Variants in ESR2 observed in about 807,000 individuals in gnomAD.
ESR2 encodes estrogen receptor 2, also known as estrogen receptor beta.
In ESR2, 36 loss-of-function variants were observed where a neutral mutation model predicts 49.6. The ratio of observed to expected loss-of-function variants is 0.73; its 90% CI spans 0.56 to 0.96. The LOEUF is 0.96. ESR2 is among the 40% of genes least tolerant of loss of function. The probability of loss-of-function intolerance (pLI) is 0.00; values close to 1 mark genes in which losing one functional copy is unlikely to be tolerated. For missense variants in ESR2, 714 were observed against 693.0 expected, an observed-to-expected ratio of 1.03 and a Z score of -0.34; for synonymous variants, 320 against 266.1, an observed-to-expected ratio of 1.20 and a Z score of -1.97.
intron 1 of ESR2, among the ~76,000 whole-genome samples, chr14:64,309,578 C>G (rs1040906496): frequency 1.7e-4 from 22 of 132,630 alleles, no homozygotes; most frequent in Admixed American, 3.2e-4. Flanking sequence ...GCCACTACAA[C>G]CCTGGGCAAC....
intron 7 of ESR2, among the ~76,000 whole-genome samples, chr14:64,241,429 T>C (rs530586583): frequency 2.0e-5 from 3 of 152,366 alleles, no homozygotes; most frequent in Admixed American, 2.0e-4. Flanking sequence ...TTGTTTTGAC[T>C]ATTCTATGTC....
At chr14:64,299,431 C>T (rs185741198) in intron 1 of ESR2, among the ~76,000 whole-genome samples, 3 of 142,990 alleles carry the variant, frequency 2.1e-5, no homozygotes, top group East Asian at 2.0e-4. Context: ...GACGGAGTCT[C>T]GCTCTGTCGC....
At chr14:64,298,365 G>A (rs879557392), upstream of ESR2, 17 of 152,196 alleles carry the variant, frequency 1.1e-4, no homozygotes, top group African/African-American at 1.7e-4. Flanking sequence ...TTGGTAGGGT[G>A]AAAGTTTCCA....
At chr14:64,274,063 C>A (rs1264414807) in intron 3 of ESR2, among the ~76,000 whole-genome samples, 1 of 151,944 alleles carries the variant, frequency 6.6e-6, no homozygotes, top group Non-Finnish European at 1.5e-5. Flanking sequence ...CCTCAGCCTC[C>A]TGAAGAGCTG....
intron 7 of ESR2, among the ~76,000 whole-genome samples, chr14:64,236,739 G>T (rs886872120): frequency 3.0e-4 from 46 of 151,796 alleles, no homozygotes; most frequent in African/African-American, 9.7e-4. Context: ...TTCCAACCTG[G>T]TCAGAAATTC....
At position 64,257,382 on chromosome 14, in the gene ESR2, C is replaced by A. The variant is rs200042926; in HGVS notation, c.953-18G>T. The A allele has an allele frequency of 6.2e-7, 1 of 1,611,986 alleles. No homozygotes were observed. Among genetic ancestry groups the A allele is most frequent in the Admixed American group, 1.7e-5 (1 of 59,994 alleles). On this transcript the variant is annotated intron_variant, in intron 5 of 8. Transcript: ENST00000341099. The stretch of plus-strand genomic sequence containing the variant: ...CACAAAGCCTGGGGAAAGCAAGAGG[C>A]GGTGAGACACCCCCACCCCTCCTCC...
chr14:64,323,512 ACGT>A (rs2077350281), intron 1 of ESR2, among the ~76,000 whole-genome samples: 1 of 129,338 alleles, frequency 7.7e-6, no homozygotes. Context: ...GGCCAAGCAC[ACGT>A]TATTTTGTAC....
At chr14:64,307,219 T>G (rs1044133035) in intron 1 of ESR2, among the ~76,000 whole-genome samples, 1 of 151,842 alleles carries the variant, frequency 6.6e-6, no homozygotes, top group African/African-American at 2.4e-5. Flanking sequence ...ATTTATTTAT[T>G]TATTTATTTT....
chr14:64,280,437 T>C (rs1039138516), intron 2 of ESR2, among the ~76,000 whole-genome samples: 4 of 152,174 alleles, frequency 2.6e-5, no homozygotes, highest in Admixed American at 1.3e-4. Context: ...AGACCAGTCA[T>C]AGCCATGGGG....
In ESR2 at chr14:64,242,448, A is replaced by C. The variant is rs561839366; in HGVS notation, c.1225+7098T>G. Among the ~76,000 whole-genome samples, 361 of 139,506 alleles carry C rather than the reference A, an allele frequency of 2.6e-3. 5 individuals carry two copies. The highest frequency in any genetic ancestry group is 9.2e-3 in the South Asian group (42 of 4,542). The allele number at this position is 139,506 out of a possible 152,430, so 91.5% of individuals were successfully genotyped here. A position where few individuals can be genotyped will look rare whatever the true frequency, so the allele number is the denominator to read the frequency against. On this transcript the variant is annotated intron_variant, in intron 7 of 8. Transcript: ENST00000341099. Reference sequence around the variant, plus strand: ...AAAACAAAACAAACAAACAAACAAAAAAAATATATATATATATATAAAATC... The same window carrying C: ...AAAACAAAACAAACAAACAAACAAACAAAATATATATATATATATAAAATC...
At chr14:64,284,318 C>G (rs1465517669) in intron 1 of ESR2, among the ~76,000 whole-genome samples, 1 of 151,804 alleles carries the variant, frequency 6.6e-6, no homozygotes, top group Non-Finnish European at 1.5e-5. Context: ...GGGGTGCTGG[C>G]TGATTACAGG....
At chr14:64,270,440 T>C (rs1207509987) in intron 3 of ESR2, among the ~76,000 whole-genome samples, 1 of 152,176 alleles carries the variant, frequency 6.6e-6, no homozygotes, top group African/African-American at 2.4e-5. Context: ...TACACAGGGA[T>C]TTGCTCTATA....
intron 1 of ESR2, among the ~76,000 whole-genome samples, chr14:64,293,535 C>T (rs1286868283): frequency 1.3e-5 from 2 of 152,208 alleles, no homozygotes; most frequent in African/African-American, 4.8e-5. Flanking sequence ...AGTTGTTGGA[C>T]TCCTCTTCAG....
intron 8 of ESR2, chr14:64,234,565 C>T: frequency 4.0e-6 from 1 of 250,138 alleles, no homozygotes; most frequent in Admixed American, 5.3e-5. Context: ...CACTTCTTCG[C>T]ATCACCAGCT....
At chr14:64,332,671 G>C (rs1400176063) in intron 1 of ESR2, among the ~76,000 whole-genome samples, 3 of 151,154 alleles carry the variant, frequency 2.0e-5, no homozygotes, top group Admixed American at 2.0e-4. Context: ...GTGCTGGTGG[G>C]CACCTGTAGT....
intron 1 of ESR2, among the ~76,000 whole-genome samples, chr14:64,284,334 C>CT (rs1012719000): frequency 1.1e-4 from 17 of 151,050 alleles, no homozygotes; most frequent in East Asian, 7.8e-4. Context: ...ACAGGCAAAT[C>CT]TTTTTTTTTG....
Position 64,305,939 on chromosome 14 carries a change from G to A in ESR2, c.-90-22864C>T, listed in dbSNP as rs143813806. ...GACTACAGAAAAATAGGCCGGGCAC[G>A]GTGGCTCACGCCTGTAATCCCAGCA... On this transcript the variant is annotated intron_variant, in intron 1 of 8. Transcript: ENST00000358599. Among the ~76,000 whole-genome samples, 811 of 150,302 alleles carry A rather than the reference G, an allele frequency of 5.4e-3. 9 individuals are homozygous for A. Among genetic ancestry groups the A allele is most frequent in the African/African-American group, 0.019 (769 of 40,932 alleles).
At chr14:64,244,893 A>G (rs2075816153) in intron 7 of ESR2, among the ~76,000 whole-genome samples, 1 of 152,188 alleles carries the variant, frequency 6.6e-6, no homozygotes, top group Admixed American at 6.5e-5. Flanking sequence ...CAACCTGGAA[A>G]CTGGCTCCAG....
At chr14:64,241,165 A>AG in intron 7 of ESR2, among the ~76,000 whole-genome samples, 1 of 138,892 alleles carries the variant, frequency 7.2e-6, no homozygotes, top group South Asian at 2.3e-4. Flanking sequence ...AAAAAAAAAA[A>AG]AAAAAGATAG....
Sources: gnomAD v4.1 joint callset for allele counts (sites outside exome capture counted in the v4.1 genomes callset) on GRCh38, gnomAD v4.1.1 for gene constraint, MANE v1.5 for transcripts, NCBI Gene and HGNC (gene_info 2026-07-23, HGNC 2026-07-21) for gene names.